The following FAM210A variants were observed in gnomAD, a reference collection of about 807,000 sequenced individuals.
FAM210A encodes the protein mitochondrial inner membrane scaffold 1.
A neutral mutation model predicts 25.3 loss-of-function variants in FAM210A; 13 were observed. That is an observed-to-expected ratio of 0.51 (90% CI 0.33 to 0.82). The LOEUF (loss-of-function observed/expected upper bound fraction) is 0.82. Ranked by LOEUF, FAM210A falls within the 40% of genes least tolerant of loss-of-function variation. The probability of loss-of-function intolerance (pLI) is 0.02; values close to 1 mark genes in which losing one functional copy is unlikely to be tolerated. For synonymous variants in FAM210A, 125 were observed against 118.7 expected (o/e 1.05, Z -0.35); for missense variants, 319 against 323.2 (o/e 0.99, Z 0.10).
chr18:13,686,202 G>A (rs1345589657), intron 1 of FAM210A, among the ~76,000 whole-genome samples: 1 of 152,118 alleles, frequency 6.6e-6, no homozygotes, highest in African/African-American at 2.4e-5. Flanking sequence ...TGTGAGAAAA[G>A]ATCTTATCTG....
chr18:13,690,181 T>A (rs1446192558), intron 1 of FAM210A, among the ~76,000 whole-genome samples: 1 of 152,170 alleles, frequency 6.6e-6, no homozygotes, highest in Non-Finnish European at 1.5e-5. Context: ...GAGATCAAAC[T>A]GCAAGGTGGC....
chr18:13,668,673 G>A (rs1310590087), intron 3 of FAM210A, among the ~76,000 whole-genome samples: 2 of 152,196 alleles, frequency 1.3e-5, no homozygotes, highest in Admixed American at 6.5e-5. Flanking sequence ...CCTAGATGGT[G>A]TAGCCCTCTG....
chr18:13,721,217 T>C (rs1222851801), intron 1 of FAM210A, among the ~76,000 whole-genome samples: 1 of 152,180 alleles, frequency 6.6e-6, no homozygotes, highest in Non-Finnish European at 1.5e-5. Context: ...AGGTGTATTT[T>C]TGGCTTTGTT....
At chr18:13,726,095 G>A (rs567606273) in intron 1 of FAM210A, among the ~76,000 whole-genome samples, 3 of 152,352 alleles carry the variant, frequency 2.0e-5, no homozygotes, top group East Asian at 3.9e-4. Context: ...AGATTTGCCA[G>A]GACACTGGCT....
chr18:13,692,779 C>T (rs947032108), intron 1 of FAM210A, among the ~76,000 whole-genome samples: 3 of 152,036 alleles, frequency 2.0e-5, no homozygotes, highest in Non-Finnish European at 4.4e-5. Flanking sequence ...CACTAAATGC[C>T]CACAAGAGAA....
At chr18:13,698,845 C>T (rs2043716861) in intron 1 of FAM210A, among the ~76,000 whole-genome samples, 1 of 152,226 alleles carries the variant, frequency 6.6e-6, no homozygotes, top group African/African-American at 2.4e-5. Context: ...CCTATAAGTA[C>T]TCCAGCCTGT....
At chr18:13,721,627 C>G (rs2043898207) in intron 1 of FAM210A, among the ~76,000 whole-genome samples, 1 of 152,094 alleles carries the variant, frequency 6.6e-6, no homozygotes, top group Non-Finnish European at 1.5e-5. Flanking sequence ...GTCGGGGAAC[C>G]AGTGTGGGGA....
intron 1 of FAM210A, among the ~76,000 whole-genome samples, chr18:13,684,665 G>T (rs1034826441): frequency 6.6e-6 from 1 of 152,216 alleles, no homozygotes; most frequent in Non-Finnish European, 1.5e-5. Context: ...CAGAATGTCT[G>T]TAAGGATAGA....
At chr18:13,671,487 G>C (rs942930959) in intron 3 of FAM210A, among the ~76,000 whole-genome samples, 1 of 152,104 alleles carries the variant, frequency 6.6e-6, no homozygotes, top group African/African-American at 2.4e-5. Flanking sequence ...ACCACAGGAA[G>C]TTATGAATGA....
At chr18:13,677,055 A>G (rs1190320434) in intron 2 of FAM210A, among the ~76,000 whole-genome samples, 1 of 149,680 alleles carries the variant, frequency 6.7e-6, no homozygotes, top group Non-Finnish European at 1.5e-5. Context: ...TGAGTGAGCA[A>G]TTCCTGTCCC....
At chr18:13,695,321 C>T (rs140511315) in intron 1 of FAM210A, among the ~76,000 whole-genome samples, 2 of 152,318 alleles carry the variant, frequency 1.3e-5, no homozygotes, top group East Asian at 1.9e-4. Flanking sequence ...CCTCAAGGAT[C>T]TAGGACTATA....
At chr18:13,685,849 A>T (rs773460240) in intron 1 of FAM210A, among the ~76,000 whole-genome samples, 6 of 152,216 alleles carry the variant, frequency 3.9e-5, no homozygotes, top group Non-Finnish European at 8.8e-5. Flanking sequence ...TTTTATCAAC[A>T]GTTTACAGGA....
intron 1 of FAM210A, among the ~76,000 whole-genome samples, chr18:13,725,136 G>C (rs1056619272): frequency 6.6e-6 from 1 of 152,130 alleles, no homozygotes; most frequent in African/African-American, 2.4e-5. Context: ...AATTACAACA[G>C]CAATTATCTC....
chr18:13,703,628 TAGA>T (rs972379543), intron 1 of FAM210A, among the ~76,000 whole-genome samples: 37 of 152,198 alleles, frequency 2.4e-4, no homozygotes, highest in Non-Finnish European at 4.7e-4. Context: ...TTAAGAAACT[TAGA>T]AACTAGGAAA....
intron 1 of FAM210A, among the ~76,000 whole-genome samples, chr18:13,695,679 A>G (rs2149063018): frequency 7.0e-6 from 1 of 143,548 alleles, no homozygotes; most frequent in African/African-American, 2.5e-5. Context: ...ACACTTGGAC[A>G]CAGGGTAGGG....
rs1467430728 is a variant in FAM210A at position 13,681,935 on chromosome 18, A to T, written c.143T>A (p.Val48Glu). The T allele has an allele frequency of 1.2e-6, 2 of 1,614,172 alleles. No homozygotes were observed. Among genetic ancestry groups the T allele is most frequent in the Non-Finnish European group, 1.7e-6 (2 of 1,180,032 alleles). Residue 48 changes from valine (V) to glutamate (E), a missense_variant, in exon 2 of 4, where the codon GTA (valine) becomes GAA (glutamate). By Grantham distance (121) the Val-to-Glu change is moderately radical. Transcript: ENST00000651643. ...CAACCATTGTTTTTGAGGGCCTTGT[A>T]CCAAAACCACTTTGGATTCAGCATT... ...LYNAESKVVL[V>E]QGPQKQWLHL...
In FAM210A at chr18:13,714,038, G is replaced by A. The variant is rs142961495; in HGVS notation, c.-29+12291C>T. Among the ~76,000 whole-genome samples the A allele has an allele frequency of 8.5e-4, 130 of 152,222 alleles. 1 individual carries two copies. The highest frequency in any genetic ancestry group is 2.4e-3 in the African/African-American group (101 of 41,540). ...TTCAGAGTACCTAAAATCTACTAAC[G>A]TAAAACAGTTACAAAAGAACTTAAC... On this transcript the variant is annotated intron_variant, in intron 1 of 3. Coordinates refer to ENST00000651643, the MANE Select transcript of FAM210A (RefSeq NM_152352.4).
chr18:13,715,951 G>A (rs2043858408), intron 1 of FAM210A, among the ~76,000 whole-genome samples: 1 of 152,128 alleles, frequency 6.6e-6, no homozygotes, highest in African/African-American at 2.4e-5. Context: ...CTGTTCAACA[G>A]ATTTTTCTGA....
At chr18:13,686,394 CT>C (rs755516555) in intron 1 of FAM210A, among the ~76,000 whole-genome samples, 1 of 152,172 alleles carries the variant, frequency 6.6e-6, no homozygotes, top group Non-Finnish European at 1.5e-5. Context: ...CAATCTATAG[CT>C]TAACGTATAG....
Sources: gnomAD v4.1 joint callset for allele counts (sites outside exome capture counted in the v4.1 genomes callset) on GRCh38, gnomAD v4.1.1 for gene constraint, MANE v1.5 for transcripts, NCBI Gene and HGNC (gene_info 2026-07-23, HGNC 2026-07-21) for gene names.